The following CCDC33 variants were observed in gnomAD, a reference collection of about 807,000 sequenced individuals.
CCDC33 encodes the protein coiled-coil domain-containing protein 33.
A neutral mutation model predicts 91.9 loss-of-function variants in CCDC33; 94 were observed. That is an observed-to-expected ratio of 1.02 (90% CI 0.87 to 1.21). CCDC33 has a LOEUF of 1.21. Ranked by LOEUF, CCDC33 falls within the 50% of genes most tolerant of loss-of-function variation. The pLI, the probability that CCDC33 is intolerant of heterozygous loss-of-function variation, is 0.00. For missense variants in CCDC33, 940 were observed against 935.5 expected, an observed-to-expected ratio of 1.00 and a Z score of -0.06; for synonymous variants, 396 against 374.5, an observed-to-expected ratio of 1.06 and a Z score of -0.66.
upstream of CCDC33, among the ~76,000 whole-genome samples, chr15:74,235,008 T>C (rs939772159): frequency 1.3e-5 from 2 of 152,116 alleles, no homozygotes; most frequent in African/African-American, 4.8e-5. Context: ...CCTGAGAGGT[T>C]GGGGGAGATG....
chr15:74,220,573 C>T (rs575637566), intron 2 of CCDC33, among the ~76,000 whole-genome samples: 1 of 152,318 alleles, frequency 6.6e-6, no homozygotes, highest in South Asian at 2.1e-4. Flanking sequence ...CGATGCTCTT[C>T]AGGCTGCAGT....
At chr15:74,255,447 C>T (rs370629043) in intron 2 of CCDC33, among the ~76,000 whole-genome samples, 4 of 152,354 alleles carry the variant, frequency 2.6e-5, no homozygotes, top group African/African-American at 9.6e-5. Flanking sequence ...AGGCTGTGGC[C>T]TACCCCTTCC....
chr15:74,281,222 C>T (rs1356721343), intron 9 of CCDC33, among the ~76,000 whole-genome samples: 1 of 152,240 alleles, frequency 6.6e-6, no homozygotes, highest in African/African-American at 2.4e-5. Context: ...CTGTGTATAA[C>T]AAGAGAGTTC....
At chr15:74,319,764 A>T (rs2060168367) in intron 11 of CCDC33, 1 of 152,064 alleles carries the variant, frequency 6.6e-6, no homozygotes, top group South Asian at 2.1e-4. Flanking sequence ...GCCGGTCTCC[A>T]TTGTCCCAGC....
chr15:74,297,179 C>A (rs887221374), intron 11 of CCDC33, among the ~76,000 whole-genome samples: 19 of 152,376 alleles, frequency 1.2e-4, no homozygotes, highest in African/African-American at 4.6e-4. Context: ...TGCTCAGGCA[C>A]CACAGCACTT....
chr15:74,332,769 A>C lies in CCDC33; in HGVS notation c.1862A>C (p.Asn621Thr), dbSNP rs1384932316. The C allele has an allele frequency of 9.3e-6, 15 of 1,613,966 alleles. No homozygotes were observed. Among genetic ancestry groups the C allele is most frequent in the Admixed American group, 1.7e-5 (1 of 60,002 alleles). ...VELYSVLLAE[N>T]AKLRTELDKN... ...CTTTACTCGGTGCTGCTGGCAGAAA[A>C]CGCGAAGCTGCGGACGGAGCTGGAT... is the stretch of plus-strand genomic sequence containing the variant. Residue 621 changes from asparagine to threonine, a missense_variant, in exon 16 of 19, where the codon AAC becomes ACC. Coordinates refer to ENST00000398814, the MANE Select transcript of CCDC33 (RefSeq NM_025055.5).
At chr15:74,207,766 G>C in intron 1 of CCDC33, 1 of 1,535,708 alleles carries the variant, frequency 6.5e-7, no homozygotes, top group Non-Finnish European at 8.7e-7. Flanking sequence ...GCGGGCCCGT[G>C]AGCTTGGGGT....
chr15:74,332,170 T>C (rs1596143030), intron 15 of CCDC33, among the ~76,000 whole-genome samples: 1 of 152,204 alleles, frequency 6.6e-6, no homozygotes, highest in Non-Finnish European at 1.5e-5. Context: ...AGCAAGGGAT[T>C]TCCCTGAGCC....
intron 9 of CCDC33, among the ~76,000 whole-genome samples, 172 bp from the exon 10 acceptor site, chr15:74,281,606 G>T (rs1292062083): frequency 1.3e-5 from 2 of 152,228 alleles, no homozygotes; most frequent in Non-Finnish European, 2.9e-5. Context: ...AGAAGGGGTG[G>T]TGTGGAGGCA....
Position 74,316,838 on chromosome 15 carries a change from A to T in CCDC33, c.1291-13351A>T, listed in dbSNP as rs1354136061. Among the ~76,000 whole-genome samples the T allele has an allele frequency of 6.6e-6, 1 of 152,150 alleles. No individual in the cohort carries two copies. Among genetic ancestry groups the T allele is most frequent in the Non-Finnish European group, 1.5e-5 (1 of 68,022 alleles). ...ACACTCGCAGCCTCATTTAATCCCC[A>T]ACAGCGTTATGAGATGGGCACAGTG... On this transcript the variant is annotated intron_variant, in intron 11 of 18. Transcript: ENST00000398814. This position sits in a 1 kb window ranked among gnomAD's most constrained non-coding sequence, Gnocchi z 4.7.
intron 11 of CCDC33, among the ~76,000 whole-genome samples, chr15:74,298,631 C>G (rs567710862): frequency 6.6e-6 from 1 of 152,122 alleles, no homozygotes; most frequent in African/African-American, 2.4e-5. Context: ...CATCCGCCTC[C>G]CGGGTTCAAG....
chr15:74,263,289 C>T (rs776824118), intron 3 of CCDC33, among the ~76,000 whole-genome samples: 5 of 152,176 alleles, frequency 3.3e-5, no homozygotes, highest in African/African-American at 4.8e-5. Context: ...AGGGGGGCAT[C>T]GCATCTGGCA....
At chr15:74,317,193 A>C (rs2142783954) in intron 11 of CCDC33, among the ~76,000 whole-genome samples, 1 of 152,250 alleles carries the variant, frequency 6.6e-6, no homozygotes, top group East Asian at 1.9e-4. Context: ...CCCAGTCTCT[A>C]CTAAAAAAAT....
chr15:74,313,517 T>C (rs1445891466), intron 11 of CCDC33, among the ~76,000 whole-genome samples: 1 of 149,746 alleles, frequency 6.7e-6, no homozygotes, highest in Non-Finnish European at 1.5e-5. Flanking sequence ...CTCCCCGGGT[T>C]CAAGCGATTC....
At chr15:74,332,379 G>A (rs973328440) in intron 15 of CCDC33, among the ~76,000 whole-genome samples, 1 of 152,208 alleles carries the variant, frequency 6.6e-6, no homozygotes, top group Non-Finnish European at 1.5e-5. Context: ...GAAACAGCCA[G>A]ATCAAAGGCC....
chr15:74,283,995 G>A (rs997544376), intron 10 of CCDC33, among the ~76,000 whole-genome samples: 3 of 152,096 alleles, frequency 2.0e-5, no homozygotes, highest in Admixed American at 1.3e-4. Context: ...TGGCACACAC[G>A]GAAGCTAAAT....
Position 74,244,141 on chromosome 15 carries a change from G to A in CCDC33, c.178G>A (p.Val60Met). 3 of 1,611,666 alleles carry A rather than the reference G, an allele frequency of 1.9e-6. No homozygotes were observed. The highest frequency in any genetic ancestry group is 2.5e-6 in the Non-Finnish European group (3 of 1,178,570). ...GGATGGCTCCGAGCCGTGGCCCTAT[G>A]TGGTGGTGTAAGTAGCTGCGTGAGA... Reference protein sequence around the residue: ...CKDGSEPWPYVVVKSTSEEKN... With the variant: ...CKDGSEPWPYMVVKSTSEEKN... Residue 60 changes from valine to methionine, a missense_variant, in exon 2 of 19, where the codon GTG becomes ATG. By Grantham distance (21) the Val-to-Met change is conservative. Coordinates refer to ENST00000398814, the MANE Select transcript of CCDC33 (RefSeq NM_025055.5). The surrounding 1 kb of genome is among the most constrained non-coding windows in gnomAD (Gnocchi z 4.2).
intron 1 of CCDC33, chr15:74,207,714 C>T (rs2074292508): frequency 6.5e-7 from 1 of 1,535,734 alleles, no homozygotes; most frequent in East Asian, 2.4e-5. Context: ...GCCCAGTCCC[C>T]TTGAGAGTCC....
At position 74,236,751 on chromosome 15, in the gene CCDC33, G is replaced by A. The variant is rs1027847393; in HGVS notation, c.21+11G>A. 2.5e-6 allele frequency: 4 copies of A among 1,613,650 alleles called. No homozygotes were observed. The African/African-American group carries it at 5.3e-5, about 22-fold the overall frequency. On this transcript the variant is annotated intron_variant, in intron 1 of 18. Coordinates refer to ENST00000398814, the MANE Select transcript of CCDC33 (RefSeq NM_025055.5). ...CTGAAAAACAAAAAGGTAAGGCCAG[G>A]GGCATGGGCCATGCACCTGCATGAA...
Sources: allele counts gnomAD v4.1 joint callset (sites outside exome capture counted in the v4.1 genomes callset), GRCh38; gene constraint gnomAD v4.1.1; non-coding constraint Gnocchi (gnomAD v3.1); transcripts MANE v1.5; gene names NCBI Gene and HGNC (gene_info 2026-07-23, HGNC 2026-07-21).